Variants in CCND3 observed in about 807,000 individuals in gnomAD.
CCND3 encodes the protein G1/S-specific cyclin-D3.
In CCND3, 9 loss-of-function variants were observed where a neutral mutation model predicts 28.7. The ratio of observed to expected loss-of-function variants is 0.31; its 90% CI spans 0.19 to 0.55. The LOEUF (loss-of-function observed/expected upper bound fraction) is 0.55. CCND3 is among the 20% of genes least tolerant of loss of function. CCND3 has a pLI of 0.93. For missense variants in CCND3, 315 were observed against 385.8 expected, an observed-to-expected ratio of 0.82 and a Z score of 1.54; for synonymous variants, 164 against 163.9, an observed-to-expected ratio of 1.00 and a Z score of 0.00.
At chr6:41,989,412 C>A in intron 1 of CCND3, among the ~76,000 whole-genome samples, 2 of 139,156 alleles carry the variant, frequency 1.4e-5, no homozygotes, top group African/African-American at 2.7e-5. Context: ...CAAGATTGTG[C>A]CATTGTACTC....
At chr6:42,039,665 C>A (rs67289879) in intron 1 of CCND3, among the ~76,000 whole-genome samples, 3 of 152,140 alleles carry the variant, frequency 2.0e-5, no homozygotes, top group African/African-American at 7.2e-5. Flanking sequence ...GCACCATTGC[C>A]GCAGTTGGGG....
chr6:41,964,499 AGTG>A (rs1761826828), intron 1 of CCND3, among the ~76,000 whole-genome samples: 6 of 103,348 alleles, frequency 5.8e-5, no homozygotes, highest in East Asian at 9.5e-4. Context: ...TGTGTGTGTG[AGTG>A]TGTGTGTGTG....
At chr6:41,944,578 T>C (rs1776123268), upstream of CCND3, among the ~76,000 whole-genome samples, 1 of 152,072 alleles carries the variant, frequency 6.6e-6, no homozygotes, top group Non-Finnish European at 1.5e-5. Flanking sequence ...CATACCACCA[T>C]GCCCGGCTAA....
chr6:41,964,456 G>T (rs1294593422), intron 1 of CCND3, among the ~76,000 whole-genome samples: 1 of 82,860 alleles, frequency 1.2e-5, no homozygotes, highest in African/African-American at 3.9e-5. Flanking sequence ...GTGTGAGTCT[G>T]TGTGTGAGTG....
chr6:41,941,384 C>T lies in CCND3; in HGVS notation c.198+68G>A. ...AGATTGCTGTGGGGACCGGGATGTC[C>T]CGACAGGGCGGCCCCGGTGTGTCCA... On this transcript the variant is annotated intron_variant, in intron 1 of 4. Coordinates refer to ENST00000372991, the MANE Select transcript of CCND3 (RefSeq NM_001760.5). This position sits in a 1 kb window ranked among gnomAD's most constrained non-coding sequence, Gnocchi z 6.1. 1 of 1,571,980 alleles carries T rather than the reference C, an allele frequency of 6.4e-7. No homozygotes were observed. The highest frequency in any genetic ancestry group is 8.6e-7 in the Non-Finnish European group (1 of 1,163,510).
At chr6:42,002,143 G>C (rs1408007122) in intron 1 of CCND3, among the ~76,000 whole-genome samples, 1 of 149,224 alleles carries the variant, frequency 6.7e-6, no homozygotes, top group Non-Finnish European at 1.5e-5. Context: ...TAGAACTGTA[G>C]ACTTAAGATC....
chr6:41,955,338 A>T (rs962693849), intron 1 of CCND3, among the ~76,000 whole-genome samples: 3 of 152,208 alleles, frequency 2.0e-5, no homozygotes, highest in Admixed American at 6.5e-5. Context: ...ATATGTAAAA[A>T]GGGTAATATG....
At chr6:41,949,662 G>A (rs1776256177) in intron 1 of CCND3, among the ~76,000 whole-genome samples, 1 of 151,948 alleles carries the variant, frequency 6.6e-6, no homozygotes, top group Admixed American at 6.6e-5. Context: ...ACAAAACCGT[G>A]CAAGCCACAC....
upstream of CCND3, among the ~76,000 whole-genome samples, chr6:41,943,913 T>C (rs1582092741): frequency 6.6e-6 from 1 of 152,240 alleles, no homozygotes; most frequent in African/African-American, 2.4e-5. Context: ...TATTGACTTA[T>C]AAGTTCTCAT....
At chr6:41,994,638 A>T (rs1762742819) in intron 1 of CCND3, among the ~76,000 whole-genome samples, 1 of 152,186 alleles carries the variant, frequency 6.6e-6, no homozygotes, top group Non-Finnish European at 1.5e-5. Context: ...ATATCAACGT[A>T]GGTTCATCAC....
At chr6:41,953,403 G>C (rs1208143535) in intron 1 of CCND3, among the ~76,000 whole-genome samples, 1 of 152,066 alleles carries the variant, frequency 6.6e-6, no homozygotes, top group Non-Finnish European at 1.5e-5. Flanking sequence ...CTGTCAAAGG[G>C]GGATAACAAG....
chr6:41,980,189 G>A (rs1762303655), intron 1 of CCND3, among the ~76,000 whole-genome samples: 1 of 150,880 alleles, frequency 6.6e-6, no homozygotes, highest in South Asian at 2.1e-4. Flanking sequence ...AGACTGGAGT[G>A]CAGTGGCACA....
In CCND3 at chr6:41,941,435, A is replaced by T. The variant is rs778922487; in HGVS notation, c.198+17T>A. ...GACCCGGGAGCGGTGGGGGAGGGGG[A>T]CGCGTCCGGGCGGTACCTCCAGCAT... On this transcript the variant is annotated intron_variant, in intron 1 of 4. Transcript: ENST00000372991. This position sits in a 1 kb window ranked among gnomAD's most constrained non-coding sequence, Gnocchi z 6.1. 4.4e-6 allele frequency: 7 copies of T among 1,604,990 alleles called. No homozygotes were observed. The highest frequency in any genetic ancestry group is 5.9e-6 in the Non-Finnish European group (7 of 1,177,596).
upstream of CCND3, among the ~76,000 whole-genome samples, chr6:41,946,594 T>TAAA (rs1381002198): frequency 1.7e-4 from 1 of 5,862 alleles, no homozygotes; most frequent in Non-Finnish European, 2.7e-4. Flanking sequence ...GAGACCTGTC[T>TAAA]CAAAAAAAAA....
At chr6:42,006,907 C>CA (rs34010973) in intron 1 of CCND3, among the ~76,000 whole-genome samples, 16,224 of 115,572 alleles carry the variant, frequency 0.14, 934 homozygotes, top group Non-Finnish European at 0.15. Context: ...GACTCTGTCT[C>CA]AAAAAAAAAA....
At chr6:42,016,464 G>GGAT (rs1383584842) in intron 1 of CCND3, among the ~76,000 whole-genome samples, 13 of 152,056 alleles carry the variant, frequency 8.5e-5, no homozygotes, top group Admixed American at 2.0e-4. Flanking sequence ...CTACAACATG[G>GGAT]GATAATAATA....
At chr6:41,989,216 T>C (rs1762581607) in intron 1 of CCND3, among the ~76,000 whole-genome samples, 1 of 151,784 alleles carries the variant, frequency 6.6e-6, no homozygotes, top group African/African-American at 2.4e-5. Flanking sequence ...CCCAAGACTT[T>C]GGGAGGCTAA....
chr6:41,963,968 TC>T (rs1761785473), intron 1 of CCND3, among the ~76,000 whole-genome samples: 1 of 152,214 alleles, frequency 6.6e-6, no homozygotes, highest in Admixed American at 6.5e-5. Context: ...TCTAGCACTG[TC>T]CATCATCTTT....
intron 1 of CCND3, among the ~76,000 whole-genome samples, chr6:41,965,663 C>T (rs889967666): frequency 2.6e-5 from 4 of 152,142 alleles, no homozygotes; most frequent in African/African-American, 9.7e-5. Flanking sequence ...CCAGAAGCCA[C>T]GGGAAAGAGT....
Sources: allele counts gnomAD v4.1 joint callset (sites outside exome capture counted in the v4.1 genomes callset), GRCh38; gene constraint gnomAD v4.1.1; non-coding constraint Gnocchi (gnomAD v3.1); transcripts MANE v1.5; gene names NCBI Gene and HGNC (gene_info 2026-07-23, HGNC 2026-07-21).